Variants in ETHE1 observed in about 807,000 individuals in gnomAD.
ETHE1 encodes ETHE1 persulfide dioxygenase.
In ETHE1, 16 loss-of-function variants were observed where a neutral mutation model predicts 25.7. The ratio of observed to expected loss-of-function variants is 0.62; its 90% confidence interval spans 0.42 to 0.95. ETHE1 has a LOEUF of 0.95. Among genes scored for constraint, ETHE1 ranks in the 40% least tolerant of loss-of-function variants. The pLI is 0.00. For synonymous variants in ETHE1, 139 were observed against 135.9 expected, an observed-to-expected ratio of 1.02 and a Z score of -0.16; for missense variants, 300 against 333.6, an observed-to-expected ratio of 0.90 and a Z score of 0.79.
intron 3 of ETHE1, among the ~76,000 whole-genome samples, chr19:43,522,903 A>C (rs962935157): frequency 6.6e-6 from 1 of 152,192 alleles, no homozygotes; most frequent in Non-Finnish European, 1.5e-5. Context: ...AGACCCTACT[A>C]CCTGTAAAAA....
chr19:43,526,920 GCC>G (rs1370922223), intron 1 of ETHE1, 175 bp downstream of exon 1: 3 of 1,483,132 alleles, frequency 2.0e-6, no homozygotes, highest in African/African-American at 2.8e-5. Context: ...AAGCCCAGAG[GCC>G]CCCAGACCAC....
intron 3 of ETHE1, among the ~76,000 whole-genome samples, chr19:43,519,762 T>A (rs149975524): frequency 6.6e-6 from 1 of 152,158 alleles, no homozygotes; most frequent in Non-Finnish European, 1.5e-5. Flanking sequence ...ACACCTCTTA[T>A]CTGCCTGGGA....
chr19:43,521,185 A>G (rs1013168826), intron 3 of ETHE1, among the ~76,000 whole-genome samples: 3 of 152,050 alleles, frequency 2.0e-5, no homozygotes, highest in Admixed American at 6.6e-5. Context: ...CATAAAATTT[A>G]GCCAGATGTG....
intron 3 of ETHE1, among the ~76,000 whole-genome samples, chr19:43,515,366 A>C (rs1971998951): frequency 6.6e-6 from 1 of 150,918 alleles, no homozygotes; most frequent in South Asian, 2.1e-4. Flanking sequence ...GCAGTGAGCC[A>C]AGATTGCACC....
chr19:43,520,826 C>T (rs943669435), intron 3 of ETHE1, among the ~76,000 whole-genome samples: 4 of 152,054 alleles, frequency 2.6e-5, no homozygotes, highest in African/African-American at 4.8e-5. Flanking sequence ...ACACTTGAGC[C>T]ACATAAGAAT....
At chr19:43,511,109 G>A (rs1349302321) in intron 4 of ETHE1, among the ~76,000 whole-genome samples, 1 of 151,724 alleles carries the variant, frequency 6.6e-6, no homozygotes, top group Non-Finnish European at 1.5e-5. Context: ...ACAAGTTCAG[G>A]GCTCCCACTG....
intron 3 of ETHE1, among the ~76,000 whole-genome samples, chr19:43,522,867 A>G (rs1034210291): frequency 5.9e-5 from 9 of 152,220 alleles, no homozygotes; most frequent in African/African-American, 1.9e-4. Context: ...TCATGCCACA[A>G]TAAGAGAGCT....
In ETHE1 at chr19:43,526,246, A is replaced by G. The variant is rs1972242842; in HGVS notation, c.330T>C (p.Ala110=). 3 of 1,614,170 alleles carry G rather than the reference A, an allele frequency of 1.9e-6. No homozygotes were observed. The highest frequency in any genetic ancestry group is 2.5e-6 in the Non-Finnish European group (3 of 1,180,038). The change falls in exon 3 of 7, where the codon GCT becomes GCC. Residue 110 remains alanine, a synonymous_variant. Coordinates refer to ENST00000292147, the MANE Select transcript of ETHE1 (RefSeq NM_014297.5). ...AGTCTCCATCCTCAATGTGTAAGTC[A>G]GCCTGGGCCCCACTAAGGCGGGAGA... ...SVISRLSGAQ[A]DLHIEDGDSI...
intron 1 of ETHE1, chr19:43,526,877 G>A (rs1972262629): frequency 6.8e-7 from 1 of 1,472,834 alleles, no homozygotes; most frequent in Non-Finnish European, 8.9e-7. Context: ...TCCCCAGCAC[G>A]TTCTTTCATA....
intron 3 of ETHE1, among the ~76,000 whole-genome samples, chr19:43,521,377 C>G (rs1436178795): frequency 1.3e-5 from 2 of 151,940 alleles, no homozygotes; most frequent in African/African-American, 4.8e-5. Context: ...GTAGCGTCAT[C>G]ATGTATTAAA....
In ETHE1 at chr19:43,526,676, C is replaced by T; in HGVS notation, c.82-17G>A. On this transcript the variant is annotated splice_polypyrimidine_tract_variant and intron_variant, in intron 1 of 6. Transcript: ENST00000292147. ...CTCGAACATCTGGGAACGGGGGACC[C>T]AGGTGAGGGCGCAGAACCGGACTTC... 1 of 1,612,774 alleles carries T rather than the reference C, an allele frequency of 6.2e-7. No homozygotes were observed.
intron 3 of ETHE1, among the ~76,000 whole-genome samples, chr19:43,518,842 A>C (rs1432075143): frequency 6.6e-6 from 1 of 151,746 alleles, no homozygotes; most frequent in Non-Finnish European, 1.5e-5. Flanking sequence ...TATAGCCTAG[A>C]GAACCCTGAC....
rs778362220 is a variant in ETHE1 at position 43,506,819 on chromosome 19, T to C, written c.*31A>G. The C allele has an allele frequency of 5.0e-6, 8 of 1,600,706 alleles. No homozygotes were observed. In the Admixed American group the frequency reaches 1.3e-4, roughly 27 times the overall value. ...CCTCTCCTCCCACCTAGTGCATTAA[T>C]AGTGGATGGGAGCATCTGACAGAAG... On this transcript the variant is annotated 3_prime_UTR_variant, in exon 7 of 7. Transcript: ENST00000292147.
At chr19:43,515,205 T>G (rs1050014066) in intron 3 of ETHE1, among the ~76,000 whole-genome samples, 1 of 151,998 alleles carries the variant, frequency 6.6e-6, no homozygotes, top group African/African-American at 2.4e-5. Context: ...TCACCTGAGG[T>G]CAGGAGTTCG....
chr19:43,515,292 T>C (rs968340525), intron 3 of ETHE1, among the ~76,000 whole-genome samples: 8 of 151,640 alleles, frequency 5.3e-5, no homozygotes, highest in African/African-American at 1.7e-4. Flanking sequence ...TGGCACATGC[T>C]TGTAATCCCA....
chr19:43,524,167 C>T (rs1309658787), intron 3 of ETHE1, among the ~76,000 whole-genome samples: 1 of 152,070 alleles, frequency 6.6e-6, no homozygotes, highest in East Asian at 1.9e-4. Context: ...AGCGCCATTG[C>T]ACTCCAGCCT....
At chr19:43,524,203 CAAATAAAT>C (rs143889889) in intron 3 of ETHE1, among the ~76,000 whole-genome samples, 13 of 151,772 alleles carry the variant, frequency 8.6e-5, no homozygotes, top group Non-Finnish European at 2.9e-5. Flanking sequence ...AACTCCATCT[CAAATAAAT>C]AAATAAATAA....
Position 43,526,664 on chromosome 19 carries a change from G to C in ETHE1, c.82-5C>G. ...GCAGCTCACAGGCTCGAACATCTGGGAACGGGGGACCCAGGTGAGGGCGCA... is the reference window on the plus strand; with the variant it reads ...GCAGCTCACAGGCTCGAACATCTGGCAACGGGGGACCCAGGTGAGGGCGCA... On this transcript the variant is annotated splice_region_variant and splice_polypyrimidine_tract_variant and intron_variant, in intron 1 of 6. Coordinates refer to ENST00000292147, the MANE Select transcript of ETHE1 (RefSeq NM_014297.5). The C allele has an allele frequency of 6.2e-7, 1 of 1,613,256 alleles. No individual in the cohort carries two copies. Among genetic ancestry groups the C allele is most frequent in the East Asian group, 2.2e-5 (1 of 44,870 alleles).
At chr19:43,518,920 G>C (rs1972079795) in intron 3 of ETHE1, among the ~76,000 whole-genome samples, 1 of 151,332 alleles carries the variant, frequency 6.6e-6, no homozygotes, top group Non-Finnish European at 1.5e-5. Flanking sequence ...AAAAACATTT[G>C]GGGGAGAGGG....
Sources: gnomAD v4.1 joint callset for allele counts (sites outside exome capture counted in the v4.1 genomes callset) on GRCh38, gnomAD v4.1.1 for gene constraint, MANE v1.5 for transcripts, NCBI Gene and HGNC (gene_info 2026-07-23, HGNC 2026-07-21) for gene names.